MPRIP: variants seen among roughly 807,000 people sequenced by gnomAD.
MPRIP encodes the protein myosin phosphatase Rho-interacting protein.
MPRIP carries 59 observed loss-of-function variants against 234.9 expected under a neutral mutation model. The observed-to-expected ratio is 0.25, with a 90% CI of 0.20 to 0.31. The LOEUF (loss-of-function observed/expected upper bound fraction) is 0.31, where lower values mean the gene tolerates loss of function less well. Among genes scored for constraint, MPRIP ranks in the 10% least tolerant of loss-of-function variants. The pLI is 1.00. For synonymous variants in MPRIP, 1,144 were observed against 1,263.9 expected (o/e 0.91, Z 2.01); for missense variants, 2,436 against 3,071.0 (o/e 0.79, Z 4.89).
In MPRIP at chr17:17,158,988, C is replaced by T; in HGVS notation, c.2386C>T (p.Leu796=). 6.2e-7 allele frequency: 1 copy of T among 1,612,148 alleles called. No individual in the cohort carries two copies. Among genetic ancestry groups the T allele is most frequent in the Non-Finnish European group, 8.5e-7 (1 of 1,179,488 alleles). ...DRLSTHELTS[L]LEKELEQSQK... is the part of the protein sequence containing the mutation. The stretch of plus-strand genomic sequence containing the variant: ...GCTCTCCACACACGAGCTGACCTCT[C>T]TGCTCGAGAAGGAGGTAATAGCCTG... The change falls in exon 14 of 24, where the codon CTG becomes TTG. Residue 796 remains leucine (L), a synonymous_variant. Transcript: ENST00000651222.
intron 15 of MPRIP, among the ~76,000 whole-genome samples, chr17:17,162,204 C>T (rs1184797547): frequency 2.0e-5 from 3 of 152,220 alleles, no homozygotes; most frequent in African/African-American, 4.8e-5. Flanking sequence ...CTTGGCCCTG[C>T]TACTGACCCC....
In MPRIP at chr17:17,166,415, T is replaced by C; in HGVS notation, c.4824T>C (p.Ala1608=). ...CAGGACAGCCACCGATGGAATCTGC[T>C]GGGGCCCCCGTAGACACCTGGGCCA... ...SWSGQPPMES[A]GAPVDTWARK... The change falls in exon 16 of 24, where the codon GCT becomes GCC. Residue 1608 remains alanine, a synonymous_variant. Transcript: ENST00000651222. The surrounding 1 kb of genome is among the most constrained non-coding windows in gnomAD (Gnocchi z 4.4). 2 of 1,304,434 alleles carry C rather than the reference T, an allele frequency of 1.5e-6. No homozygotes were observed. Among genetic ancestry groups the C allele is most frequent in the South Asian group, 1.2e-5 (1 of 81,032 alleles). The allele number at this position is 1,304,434 out of a possible 1,614,324, so 80.8% of individuals were successfully genotyped here.
chr17:17,153,109 C>A (rs1388164507), intron 12 of MPRIP, among the ~76,000 whole-genome samples: 2 of 152,180 alleles, frequency 1.3e-5, no homozygotes, highest in East Asian at 1.9e-4. Flanking sequence ...TGGTACCCCC[C>A]CAACTCAGCT....
chr17:17,141,976 C>A (rs1021711097), intron 7 of MPRIP: 3 of 152,656 alleles, frequency 2.0e-5, no homozygotes, highest in African/African-American at 7.2e-5. Context: ...AGCGCTCTTC[C>A]ATGTATTCAT....
intron 3 of MPRIP, among the ~76,000 whole-genome samples, chr17:17,115,965 C>T (rs2090277590): frequency 6.6e-6 from 1 of 152,168 alleles, no homozygotes; most frequent in South Asian, 2.1e-4. Flanking sequence ...ACGTGTCATC[C>T]TGTTAACCCT....
chr17:17,159,483 C>G (rs930747126), intron 14 of MPRIP, among the ~76,000 whole-genome samples: 1 of 152,144 alleles, frequency 6.6e-6, no homozygotes, highest in Admixed American at 6.5e-5. Context: ...ACAGCTGGGT[C>G]CTAGGTCATG....
intron 3 of MPRIP, among the ~76,000 whole-genome samples, chr17:17,107,291 C>T (rs950957072): frequency 3.9e-5 from 6 of 152,192 alleles, no homozygotes; most frequent in Non-Finnish European, 7.3e-5. Context: ...CAATTCCTCC[C>T]AGTGACAAAG....
Position 17,161,332 on chromosome 17 carries a change from C to T in MPRIP, c.2493C>T (p.Ser831=), listed in dbSNP as rs113831226. The change falls in exon 15 of 24, where the codon AGC becomes AGT. Residue 831 remains serine (S), a synonymous_variant. Transcript: ENST00000651222. The part of the protein sequence containing the change: ...QLRVALGREQ[S]AREGYVLQTE... The stretch of plus-strand genomic sequence containing the variant: ...GGGTGGCCCTGGGCCGGGAGCAGAG[C>T]GCCCGTGAGGGCTACGTGCTGCAGG... 88 of 1,586,858 alleles carry T rather than the reference C, an allele frequency of 5.5e-5. 1 individual carries two copies. The African/African-American group carries it at 6.3e-4, about 11-fold the overall frequency.
At chr17:17,077,168 T>C (rs1238207991) in intron 2 of MPRIP, 4 of 152,132 alleles carry the variant, frequency 2.6e-5, no homozygotes, top group Admixed American at 6.5e-5. Flanking sequence ...ATTGGGCTTG[T>C]TGAAATGTTG....
intron 17 of MPRIP, 70 bp downstream of exon 17, chr17:17,171,935 G>A (rs1314107120): frequency 4.0e-6 from 6 of 1,497,422 alleles, no homozygotes; most frequent in South Asian, 2.5e-5. Flanking sequence ...ACACAACTCA[G>A]AGGAATGGCA....
At position 17,099,989 on chromosome 17, in the gene MPRIP, G is replaced by A. The variant is rs1207555214; in HGVS notation, c.267+21913G>A. 2.6e-5 allele frequency among the ~76,000 whole-genome samples: 4 copies of A among 152,338 alleles called. No individual in the cohort carries two copies. In the East Asian group the frequency reaches 7.7e-4, roughly 29 times the overall value. ...GACATCTCCACCTGATGTCACTCGT[G>A]GCAGGCAAGGGGACACTTATCCTTG... On this transcript the variant is annotated intron_variant, in intron 3 of 23. Coordinates refer to ENST00000651222, the MANE Select transcript of MPRIP (RefSeq NM_001364716.4).
intron 3 of MPRIP, among the ~76,000 whole-genome samples, chr17:17,089,556 C>T (rs2089667692): frequency 6.6e-6 from 1 of 152,120 alleles, no homozygotes; most frequent in Non-Finnish European, 1.5e-5. Flanking sequence ...CAGCCTTGAG[C>T]TCCTGGGCCC....
chr17:17,144,637 C>T (rs1451604560), intron 9 of MPRIP, among the ~76,000 whole-genome samples: 1 of 152,184 alleles, frequency 6.6e-6, no homozygotes, highest in Non-Finnish European at 1.5e-5. Context: ...GTGGGCAGAT[C>T]ACGAGGTCAA....
rs34804730 is a variant in MPRIP at position 17,066,723 on chromosome 17, C to CTTTTTTTTTTTTTTTTTTTT, written c.124-8960_124-8941dup. On this transcript the variant is annotated intron_variant, in intron 1 of 23. Transcript: ENST00000651222. ...TCAAACCCACAGATACTTTTTTCAT[C>CTTTTTTTTTTTTTTTTTTTT]TTTTTTTTTTTTTTTTTTTTTTTTT... 5.5e-5 allele frequency among the ~76,000 whole-genome samples: 2 copies of CTTTTTTTTTTTTTTTTTTTT among 36,636 alleles called. 1 individual carries two copies. Among genetic ancestry groups the CTTTTTTTTTTTTTTTTTTTT allele is most frequent in the Non-Finnish European group, 1.2e-4 (2 of 16,614 alleles). 24.0% of individuals were successfully genotyped at this position (36,636 alleles called of 152,430 possible).
chr17:17,047,229 AG>A (rs1248973168), intron 1 of MPRIP, among the ~76,000 whole-genome samples: 1 of 152,204 alleles, frequency 6.6e-6, no homozygotes, highest in African/African-American at 2.4e-5. Flanking sequence ...TTACAAAAAC[AG>A]GCAGCTGGCA....
intron 3 of MPRIP, among the ~76,000 whole-genome samples, chr17:17,097,560 C>A (rs2089874034): frequency 6.6e-6 from 1 of 152,194 alleles, no homozygotes; most frequent in Admixed American, 6.5e-5. Flanking sequence ...TCTTTAATAG[C>A]TACACCCCAT....
At chr17:17,153,435 A>G (rs2045650592) in intron 12 of MPRIP, among the ~76,000 whole-genome samples, 1 of 151,976 alleles carries the variant, frequency 6.6e-6, no homozygotes. Flanking sequence ...CTCCAGCTCC[A>G]TGCAGGCCAC....
chr17:17,168,609 T>C (rs1365850908), intron 16 of MPRIP: 2 of 345,908 alleles, frequency 5.8e-6, no homozygotes, highest in East Asian at 1.6e-4. Context: ...GAGGTGGTGG[T>C]GGGCTGAGTG....
intron 3 of MPRIP, among the ~76,000 whole-genome samples, chr17:17,103,911 T>G (rs1288526881): frequency 3.3e-5 from 5 of 152,186 alleles, no homozygotes; most frequent in Non-Finnish European, 5.9e-5. Flanking sequence ...AGCAGTGAGA[T>G]ATCTCCTAGG....
Sources: gnomAD v4.1 joint callset for allele counts (sites outside exome capture counted in the v4.1 genomes callset) on GRCh38, gnomAD v4.1.1 for gene constraint, Gnocchi (gnomAD v3.1) non-coding constraint, MANE v1.5 for transcripts, NCBI Gene and HGNC (gene_info 2026-07-23, HGNC 2026-07-21) for gene names.